Variants in EDRF1 observed in about 807,000 individuals in gnomAD.
EDRF1 encodes the protein erythroid differentiation-related factor 1.
In EDRF1, 69 loss-of-function variants were observed where a neutral mutation model predicts 148.7. The ratio of observed to expected loss-of-function variants is 0.46; its 90% CI spans 0.38 to 0.57. The LOEUF (loss-of-function observed/expected upper bound fraction) is 0.57. Among genes scored for constraint, EDRF1 ranks in the 20% least tolerant of loss-of-function variants. EDRF1 has a pLI of 0.00. For synonymous variants in EDRF1, 515 were observed against 532.8 expected (o/e 0.97, Z 0.46); for missense variants, 1,118 against 1,478.7 (o/e 0.76, Z 4.00).
chr10:125,720,012 C>T (rs1303283924), intron 1 of EDRF1, 97 bp downstream of exon 1: 6 of 1,117,132 alleles, frequency 5.4e-6, no homozygotes, highest in Admixed American at 2.2e-5. Context: ...ATTCTGGAGG[C>T]TTCTCCATGT....
At chr10:125,746,029 T>A in intron 19 of EDRF1, 99 bp downstream of exon 19, 3 of 1,045,922 alleles carry the variant, frequency 2.9e-6, no homozygotes, top group Non-Finnish European at 4.4e-6. Context: ...TAAAAATAAT[T>A]AAACTCTGCT....
At chr10:125,738,799 T>G (rs1848863669) in intron 15 of EDRF1, among the ~76,000 whole-genome samples, 1 of 152,198 alleles carries the variant, frequency 6.6e-6, no homozygotes, top group African/African-American at 2.4e-5. Flanking sequence ...TCCACTTCTT[T>G]GAGTCACTTT....
intron 23 of EDRF1, among the ~76,000 whole-genome samples, chr10:125,753,374 C>G (rs985220966): frequency 6.6e-6 from 1 of 152,276 alleles, no homozygotes; most frequent in African/African-American, 2.4e-5. Flanking sequence ...TAAAAGCTTC[C>G]TGAAGCCCCC....
intron 4 of EDRF1, 47 bp downstream of exon 4, chr10:125,723,983 G>C: frequency 1.9e-6 from 3 of 1,606,040 alleles, no homozygotes; most frequent in Non-Finnish European, 2.6e-6. Flanking sequence ...CAGCTTAAGA[G>C]CACTAGAAAT....
At chr10:125,728,193 A>G (rs75623868) in intron 6 of EDRF1, among the ~76,000 whole-genome samples, 3 of 148,764 alleles carry the variant, frequency 2.0e-5, no homozygotes, top group African/African-American at 7.4e-5. Flanking sequence ...CTCTGTCTCA[A>G]AAAAAAAAAA....
intron 24 of EDRF1, among the ~76,000 whole-genome samples, chr10:125,757,452 G>A (rs1254958612): frequency 6.6e-6 from 1 of 152,134 alleles, no homozygotes; most frequent in Non-Finnish European, 1.5e-5. Context: ...AGAATACACT[G>A]CTACTAGTTT....
At chr10:125,743,634 A>G (rs1350497272) in intron 18 of EDRF1, among the ~76,000 whole-genome samples, 1 of 152,210 alleles carries the variant, frequency 6.6e-6, no homozygotes, top group Non-Finnish European at 1.5e-5. Context: ...AATGCTGTGG[A>G]TGAGTACCGA....
At chr10:125,749,810 T>C in intron 22 of EDRF1, 1 of 497,948 alleles carries the variant, frequency 2.0e-6, no homozygotes, top group East Asian at 3.8e-5. Context: ...TGACCCCTAG[T>C]TTGGAAAAAA....
Position 125,734,085 on chromosome 10 carries a change from A to G in EDRF1, c.1399A>G (p.Met467Val). The change falls in exon 12 of 25, where the codon ATG becomes GTG. Residue 467 changes from methionine (M) to valine (V), a missense_variant. Met to Val is a conservative substitution (Grantham distance 21). Transcript: ENST00000356792. ...CTCTTTTTTTAGGGTTGCTTGCAACATGATGATGAAGAAGAATCAAAATAA... is the reference window on the plus strand; with the variant it reads ...CTCTTTTTTTAGGGTTGCTTGCAACGTGATGATGAAGAAGAATCAAAATAA... ...AILLYKVACN[M>V]MMKKNQNKKH... 1 of 1,612,934 alleles carries G rather than the reference A, an allele frequency of 6.2e-7. No homozygotes were observed.
At chr10:125,746,548 A>AAT (rs1260670281) in intron 19 of EDRF1, among the ~76,000 whole-genome samples, 1 of 152,210 alleles carries the variant, frequency 6.6e-6, no homozygotes, top group Non-Finnish European at 1.5e-5. Flanking sequence ...GTAAATGGCT[A>AAT]ATATATATAA....
At chr10:125,754,275 G>A (rs1849786821) in intron 24 of EDRF1, among the ~76,000 whole-genome samples, 1 of 151,714 alleles carries the variant, frequency 6.6e-6, no homozygotes, top group Admixed American at 6.6e-5. Context: ...TGTCTTCTAT[G>A]TGGATAGTAG....
At chr10:125,720,133 T>C (rs1291931022) in intron 1 of EDRF1, among the ~76,000 whole-genome samples, 11 of 152,184 alleles carry the variant, frequency 7.2e-5, no homozygotes, top group Admixed American at 7.2e-4. Flanking sequence ...ATCTTTCCTC[T>C]CAAGGAGGGT....
Position 125,729,525 on chromosome 10 carries a change from C to A in EDRF1, c.1016+46C>A, listed in dbSNP as rs369762807. 8 of 1,611,976 alleles carry A rather than the reference C, an allele frequency of 5.0e-6. No homozygotes were observed. In the African/African-American group the frequency reaches 8.0e-5, roughly 16 times the overall value. ...TCCTCAAGCTTATGGTATTTAAATTCTTCCTTTAGAATCAGTGTTCCATCA... is the reference window on the plus strand; with the variant it reads ...TCCTCAAGCTTATGGTATTTAAATTATTCCTTTAGAATCAGTGTTCCATCA... On this transcript the variant is annotated intron_variant, in intron 8 of 24. Coordinates refer to ENST00000356792, the MANE Select transcript of EDRF1 (RefSeq NM_001202438.2).
rs761965175 is a variant in EDRF1, at chr10:125,745,725, C to T, written c.2609C>T (p.Ala870Val). ...SERLVSKSVSAAEQQLWKKSF... is the reference protein window; with the variant it reads ...SERLVSKSVSVAEQQLWKKSF... ...TGTAAAGTGAGCAAATCTGTGTCTG[C>T]TGCCGAGCAACAGTTGTGGAAAAAA... Residue 870 changes from alanine to valine, a missense_variant, in exon 19 of 25, where the codon GCT (alanine) becomes GTT (valine). Physicochemically the swap from Ala to Val is moderately conservative, Grantham distance 64 (BLOSUM62 0). Around this residue, in one of 3 missense-constraint regions of EDRF1, gnomAD observed 954 missense variants for 1,241.4 expected, o/e 0.77. Transcript: ENST00000356792. 9.9e-6 allele frequency: 16 copies of T among 1,614,232 alleles called. No homozygotes were observed. Among genetic ancestry groups the T allele is most frequent in the Non-Finnish European group, 1.3e-5 (15 of 1,180,042 alleles).
chr10:125,761,050 G>T (rs1444499451), intron 24 of EDRF1, among the ~76,000 whole-genome samples: 1 of 152,144 alleles, frequency 6.6e-6, no homozygotes, highest in Non-Finnish European at 1.5e-5. Context: ...ATACTGAGAG[G>T]CCATGTTAAA....
Position 125,723,602 on chromosome 10 carries a change from A to G in EDRF1, c.385-209A>G, listed in dbSNP as rs1306961300. Among the ~76,000 whole-genome samples the G allele has an allele frequency of 3.9e-5, 6 of 152,226 alleles. No homozygotes were observed. In the East Asian group the frequency reaches 7.7e-4, roughly 19 times the overall value. ...AAATAAATGTTTGACTGTCACTAAC[A>G]TAATGTGACTCATAAAGTGTACGTG... On this transcript the variant is annotated intron_variant, in intron 3 of 24. Transcript: ENST00000356792.
At chr10:125,750,000 G>A (rs902242641) in intron 22 of EDRF1, among the ~76,000 whole-genome samples, 1 of 152,174 alleles carries the variant, frequency 6.6e-6, no homozygotes, top group African/African-American at 2.4e-5. Context: ...AATTGGCCAT[G>A]TGTGGTGGTG....
intron 13 of EDRF1, among the ~76,000 whole-genome samples, chr10:125,737,470 A>G (rs1181123229): frequency 6.6e-6 from 1 of 152,208 alleles, no homozygotes; most frequent in Non-Finnish European, 1.5e-5. Flanking sequence ...GAGAACAGTA[A>G]TTCCAACCCC....
chr10:125,733,503 T>C lies in EDRF1; in HGVS notation c.1228T>C (p.Leu410=), dbSNP rs765305161. ...KDIAQNILSF[L]KSNCTKEGHT... ...CATTGCACAGAATATTTTATCATTTTTGAAATCTAATTGTACCAAAGAAGG... is the reference window on the plus strand; with the variant it reads ...CATTGCACAGAATATTTTATCATTTCTGAAATCTAATTGTACCAAAGAAGG... The change falls in exon 10 of 25, where the codon TTG becomes CTG. Residue 410 remains leucine, a synonymous_variant. Transcript: ENST00000356792. The C allele has an allele frequency of 1.2e-6, 2 of 1,600,952 alleles. No homozygotes were observed. Among genetic ancestry groups the C allele is most frequent in the South Asian group, 1.1e-5 (1 of 90,760 alleles).
Sources: gnomAD v4.1 joint callset for allele counts (sites outside exome capture counted in the v4.1 genomes callset) on GRCh38, gnomAD v4.1.1 for gene constraint, gnomAD v4.1.1 regional missense constraint, MANE v1.5 for transcripts, NCBI Gene and HGNC (gene_info 2026-07-23, HGNC 2026-07-21) for gene names.